Variants in CATSPERE observed in about 807,000 individuals in gnomAD.
CATSPERE encodes the protein catsper channel auxiliary subunit epsilon.
Under a neutral mutation model 114.1 loss-of-function variants are expected in CATSPERE, and 93 were observed. The observed-to-expected ratio is 0.81, with a 90% CI of 0.69 to 0.97. CATSPERE has a LOEUF of 0.97. Among genes scored for constraint, CATSPERE ranks in the 50% least tolerant of loss-of-function variants. The pLI, the probability that CATSPERE is intolerant of heterozygous loss-of-function variation, is 0.00. For synonymous variants in CATSPERE, 341 were observed against 384.1 expected, an observed-to-expected ratio of 0.89 and a Z score of 1.31; for missense variants, 1,058 against 1,131.6, an observed-to-expected ratio of 0.93 and a Z score of 0.93.
chr1:244,490,567 A>G lies in CATSPERE; in HGVS notation c.351+96A>G, dbSNP rs181045902. The G allele has an allele frequency of 3.7e-4, 301 of 814,062 alleles. 5 individuals carry two copies. The Admixed American group carries it at 7.3e-3, about 20-fold the overall frequency. 50.4% of individuals were successfully genotyped at this position (814,062 alleles called of 1,614,324 possible). On this transcript the variant is annotated intron_variant, in intron 6 of 21. Coordinates refer to ENST00000366534, the MANE Select transcript of CATSPERE (RefSeq NM_001130957.2). Reference sequence around the variant, plus strand: ...ATTTACCAGATGAGGAATTTTTCAAATGAATTTTGCAATGATATTTGCTTA... The same window carrying G: ...ATTTACCAGATGAGGAATTTTTCAAGTGAATTTTGCAATGATATTTGCTTA...
intron 20 of CATSPERE, among the ~76,000 whole-genome samples, chr1:244,624,251 G>A (rs1215223332): frequency 6.6e-6 from 1 of 151,418 alleles, no homozygotes; most frequent in Admixed American, 6.6e-5. Context: ...GATTACAGGC[G>A]TGAGCCACCA....
chr1:244,501,574 C>T (rs77684088), intron 7 of CATSPERE, among the ~76,000 whole-genome samples: 1,773 of 152,142 alleles, frequency 0.012, 22 homozygotes, highest in East Asian at 0.043. Flanking sequence ...CAGAAGGATA[C>T]GCAACCAATT....
At chr1:244,574,594 G>C (rs1433813039) in intron 11 of CATSPERE, among the ~76,000 whole-genome samples, 3 of 152,080 alleles carry the variant, frequency 2.0e-5, no homozygotes, top group Non-Finnish European at 4.4e-5. Flanking sequence ...AAAAGAAAAA[G>C]TTTTTCTGGT....
intron 17 of CATSPERE, among the ~76,000 whole-genome samples, chr1:244,602,851 A>G (rs1669458744): frequency 1.3e-5 from 2 of 152,148 alleles, no homozygotes; most frequent in African/African-American, 4.8e-5. Context: ...GCCATCAGGA[A>G]GGAAGTGCAT....
intron 7 of CATSPERE, among the ~76,000 whole-genome samples, chr1:244,511,187 A>G (rs1276585379): frequency 6.6e-6 from 1 of 151,834 alleles, no homozygotes; most frequent in East Asian, 1.9e-4. Context: ...CTCTTGCTGA[A>G]CTGATTTATT....
chr1:244,595,445 T>C (rs948965761), intron 17 of CATSPERE, among the ~76,000 whole-genome samples: 39 of 152,100 alleles, frequency 2.6e-4, no homozygotes, highest in Non-Finnish European at 8.8e-5. Flanking sequence ...AGAGTAATGT[T>C]GAATTCTGCT....
At chr1:244,530,073 A>T (rs1399426542) in intron 8 of CATSPERE, among the ~76,000 whole-genome samples, 1 of 152,112 alleles carries the variant, frequency 6.6e-6, no homozygotes, top group East Asian at 1.9e-4. Flanking sequence ...TCAGCCTCCG[A>T]GTAGCTGGGA....
intron 17 of CATSPERE, among the ~76,000 whole-genome samples, chr1:244,603,327 G>A (rs1339421376): frequency 3.3e-5 from 5 of 152,128 alleles, no homozygotes; most frequent in Non-Finnish European, 5.9e-5. Flanking sequence ...TAATAGGTTT[G>A]CAGGTGCACA....
chr1:244,590,121 G>A (rs1667534756), intron 14 of CATSPERE, among the ~76,000 whole-genome samples: 1 of 152,156 alleles, frequency 6.6e-6, no homozygotes, highest in Admixed American at 6.5e-5. Flanking sequence ...AAATGGTGGT[G>A]ACAAGGGTTC....
upstream of CATSPERE, chr1:244,452,057 A>C: frequency 2.8e-6 from 1 of 358,598 alleles, no homozygotes; most frequent in Non-Finnish European, 4.9e-6. Context: ...GCCCGCAGGA[A>C]GAGGCCCTGG....
intron 20 of CATSPERE, among the ~76,000 whole-genome samples, chr1:244,619,951 T>C (rs987869014): frequency 6.6e-6 from 1 of 152,194 alleles, no homozygotes; most frequent in Non-Finnish European, 1.5e-5. Flanking sequence ...TTAATATATC[T>C]TTCTCAGAAT....
At chr1:244,597,667 C>T (rs971562138) in intron 17 of CATSPERE, among the ~76,000 whole-genome samples, 3 of 151,944 alleles carry the variant, frequency 2.0e-5, no homozygotes, top group African/African-American at 7.3e-5. Flanking sequence ...GCACCATTGC[C>T]AATCACACAC....
At chr1:244,620,823 A>G (rs903575066) in intron 20 of CATSPERE, among the ~76,000 whole-genome samples, 2 of 150,746 alleles carry the variant, frequency 1.3e-5, no homozygotes, top group Non-Finnish European at 2.9e-5. Flanking sequence ...TATCCCCCCT[A>G]GGGTTATCTG....
Position 244,621,126 on chromosome 1 carries a change from TAAA to T in CATSPERE, c.2648+3441_2648+3443del, listed in dbSNP as rs1558609712. 1.9e-4 allele frequency among the ~76,000 whole-genome samples: 18 copies of T among 96,716 alleles called. 1 individual carries two copies. Among genetic ancestry groups the T allele is most frequent in the South Asian group, 8.2e-4 (3 of 3,664 alleles). The allele number at this position is 96,716 out of a possible 152,430, so 63.4% of individuals were successfully genotyped here. A position where few individuals can be genotyped will look rare whatever the true frequency, so the allele number is the denominator to read the frequency against. On this transcript the variant is annotated intron_variant, in intron 20 of 21. Transcript: ENST00000366534. Reference sequence around the variant, plus strand: ...TATAAATATATATATAATATATATATAAATATATATAAAATATATATATTATAA... The same window carrying T: ...TATAAATATATATATAATATATATATTATATATAAAATATATATATTATAA...
intron 19 of CATSPERE, chr1:244,610,729 C>T (rs1310747303): frequency 2.5e-5 from 5 of 197,572 alleles, no homozygotes; most frequent in Admixed American, 5.8e-5. Context: ...TTCATGAAAG[C>T]GCATATTTCT....
intron 19 of CATSPERE, among the ~76,000 whole-genome samples, chr1:244,616,933 G>T (rs183933366): frequency 2.2e-4 from 33 of 152,328 alleles, no homozygotes; most frequent in African/African-American, 7.7e-4. Flanking sequence ...AAAACATACA[G>T]GATCTAAGAG....
intron 8 of CATSPERE, among the ~76,000 whole-genome samples, chr1:244,537,913 C>T (rs1680613515): frequency 6.6e-6 from 1 of 152,116 alleles, no homozygotes; most frequent in Non-Finnish European, 1.5e-5. Context: ...TTTCTGCCTG[C>T]TGGATCTGTT....
At chr1:244,629,310 CTTTCAGGTCCCTCTGCATAT>C (rs1673608620) in intron 20 of CATSPERE, among the ~76,000 whole-genome samples, 1 of 152,148 alleles carries the variant, frequency 6.6e-6, no homozygotes, top group Non-Finnish European at 1.5e-5. Context: ...TTCTGGCTGA[CTTTCAGGTCCCTCTGCATAT>C]TTGGAGAAGC....
chr1:244,552,247 A>T, intron 8 of CATSPERE, 75 bp from the exon 9 acceptor site: 2 of 1,493,046 alleles, frequency 1.3e-6, no homozygotes, highest in East Asian at 2.3e-5. Context: ...TGTTTTAAAG[A>T]TGATAGATAT....
Sources: gnomAD v4.1 joint callset for allele counts (sites outside exome capture counted in the v4.1 genomes callset) on GRCh38, gnomAD v4.1.1 for gene constraint, MANE v1.5 for transcripts, NCBI Gene and HGNC (gene_info 2026-07-23, HGNC 2026-07-21) for gene names.